The following CLYBL variants were observed in gnomAD, a reference collection of about 807,000 sequenced individuals.
CLYBL encodes citramalyl-CoA lyase.
Under a neutral mutation model 38.9 loss-of-function variants are expected in CLYBL, and 31 were observed. That is an observed-to-expected ratio of 0.80 (90% CI 0.60 to 1.08). CLYBL has a LOEUF of 1.08. Among genes scored for constraint, CLYBL ranks in the 50% least tolerant of loss-of-function variants. The pLI, the probability that CLYBL is intolerant of heterozygous loss-of-function variation, is 0.00. For missense variants in CLYBL, 434 were observed against 411.6 expected (o/e 1.05, Z -0.47); for synonymous variants, 171 against 158.6 (o/e 1.08, Z -0.59).
intron 2 of CLYBL, among the ~76,000 whole-genome samples, chr13:99,853,151 G>A (rs2051372641): frequency 6.6e-6 from 1 of 151,886 alleles, no homozygotes; most frequent in South Asian, 2.1e-4. Flanking sequence ...TTAATTGGTT[G>A]GAGACCTTCA....
intron 1 of CLYBL, among the ~76,000 whole-genome samples, chr13:99,757,301 C>CA (rs2049081438): frequency 6.6e-6 from 1 of 152,128 alleles, no homozygotes; most frequent in African/African-American, 2.4e-5. Context: ...ACAGCATCTA[C>CA]TTGTACATAA....
At chr13:99,848,692 C>T (rs181016486) in intron 2 of CLYBL, among the ~76,000 whole-genome samples, 5 of 152,308 alleles carry the variant, frequency 3.3e-5, no homozygotes, top group African/African-American at 7.2e-5. Context: ...CAGATTGTCC[C>T]GGCTCCCTGT....
At chr13:99,837,490 A>G (rs2050966959) in intron 2 of CLYBL, among the ~76,000 whole-genome samples, 1 of 152,230 alleles carries the variant, frequency 6.6e-6, no homozygotes, top group Non-Finnish European at 1.5e-5. Context: ...GTCATGATAT[A>G]GGTCACCAAC....
At chr13:99,836,937 C>T (rs1202309524) in intron 2 of CLYBL, among the ~76,000 whole-genome samples, 3 of 151,936 alleles carry the variant, frequency 2.0e-5, no homozygotes, top group Non-Finnish European at 4.4e-5. Context: ...ACACCTAATG[C>T]TAAATGACAA....
At chr13:99,897,440 A>G (rs2052595200), downstream of CLYBL, among the ~76,000 whole-genome samples, 1 of 152,232 alleles carries the variant, frequency 6.6e-6, no homozygotes, top group Non-Finnish European at 1.5e-5. Context: ...GAACAAACCC[A>G]TTCTGGAAGG....
intron 1 of CLYBL, among the ~76,000 whole-genome samples, chr13:99,703,343 G>T (rs2048097754): frequency 6.6e-6 from 1 of 151,972 alleles, no homozygotes; most frequent in Non-Finnish European, 1.5e-5. Flanking sequence ...TTTTTAGTGT[G>T]TGGATGCCTT....
At chr13:99,804,170 A>C (rs754004) in intron 2 of CLYBL, among the ~76,000 whole-genome samples, 6 of 152,282 alleles carry the variant, frequency 3.9e-5, no homozygotes, top group African/African-American at 1.4e-4. Context: ...CAGTGCACAA[A>C]GGCAGAGAGC....
chr13:99,744,207 C>CAG (rs1005581270), intron 1 of CLYBL, among the ~76,000 whole-genome samples: 2 of 152,150 alleles, frequency 1.3e-5, no homozygotes, highest in Admixed American at 1.3e-4. Flanking sequence ...CTCCTGACCT[C>CAG]GTGATCCACC....
chr13:99,771,037 T>C (rs1412724391), intron 1 of CLYBL, among the ~76,000 whole-genome samples: 2 of 36,304 alleles, frequency 5.5e-5, no homozygotes, highest in Non-Finnish European at 2.2e-4. Context: ...TTTTTTTTTT[T>C]TTTTTTTTTT....
At chr13:99,760,941 G>A (rs554471514) in intron 1 of CLYBL, among the ~76,000 whole-genome samples, 28 of 152,262 alleles carry the variant, frequency 1.8e-4, no homozygotes, top group Non-Finnish European at 2.8e-4. Context: ...TCACCCTACT[G>A]ATCTGTTTAA....
chr13:99,868,758 C>T (rs769638513), intron 6 of CLYBL, among the ~76,000 whole-genome samples: 32 of 152,028 alleles, frequency 2.1e-4, no homozygotes, highest in Admixed American at 7.9e-4. Flanking sequence ...AAAACTAAAT[C>T]TTGGAATAAA....
At chr13:99,707,822 A>G (rs2048169180) in intron 1 of CLYBL, among the ~76,000 whole-genome samples, 1 of 152,098 alleles carries the variant, frequency 6.6e-6, no homozygotes, top group African/African-American at 2.4e-5. Context: ...GTCATTTCAG[A>G]ATTGTTTCAT....
At chr13:99,692,406 C>T (rs756571950) in intron 1 of CLYBL, among the ~76,000 whole-genome samples, 34 of 152,204 alleles carry the variant, frequency 2.2e-4, no homozygotes, top group Non-Finnish European at 2.5e-4. Flanking sequence ...ATTCCCCGGC[C>T]TCAGCCTCCC....
intron 1 of CLYBL, among the ~76,000 whole-genome samples, chr13:99,708,064 A>T (rs558520169): frequency 6.6e-6 from 1 of 152,170 alleles, no homozygotes; most frequent in South Asian, 2.1e-4. Context: ...GCTCACTGCA[A>T]CTTCCACCCC....
chr13:99,804,933 G>A (rs544939917), intron 2 of CLYBL, among the ~76,000 whole-genome samples: 7 of 152,008 alleles, frequency 4.6e-5, no homozygotes, highest in South Asian at 2.1e-4. Flanking sequence ...TCCCCCTCCC[G>A]TCCCTGGCAA....
intron 1 of CLYBL, among the ~76,000 whole-genome samples, chr13:99,702,232 C>G (rs1012771195): frequency 6.6e-6 from 1 of 152,096 alleles, no homozygotes; most frequent in African/African-American, 2.4e-5. Flanking sequence ...TTTTGGCCTC[C>G]CAAAATGCTA....
intron 1 of CLYBL, among the ~76,000 whole-genome samples, chr13:99,642,216 T>C (rs2047106233): frequency 6.6e-6 from 1 of 152,154 alleles, no homozygotes; most frequent in South Asian, 2.1e-4. Flanking sequence ...CTCAGCCCTG[T>C]GCATGCTGAC....
chr13:99,638,860 A>C (rs2047057704), intron 1 of CLYBL, among the ~76,000 whole-genome samples: 1 of 152,226 alleles, frequency 6.6e-6, no homozygotes, highest in South Asian at 2.1e-4. Context: ...TCCATCAGTT[A>C]ACCTTCCCAT....
intron 1 of CLYBL, among the ~76,000 whole-genome samples, chr13:99,763,748 T>C (rs578008132): frequency 3.3e-5 from 5 of 151,860 alleles, no homozygotes; most frequent in African/African-American, 1.2e-4. Context: ...AGAGACGGAG[T>C]TTCATCATGT....
Sources: gnomAD v4.1 joint callset for allele counts (sites outside exome capture counted in the v4.1 genomes callset) on GRCh38, gnomAD v4.1.1 for gene constraint, MANE v1.5 for transcripts, NCBI Gene and HGNC (gene_info 2026-07-23, HGNC 2026-07-21) for gene names.